The following DYNC1LI1 variants were observed in gnomAD, a reference collection of about 807,000 sequenced individuals.
The protein encoded by DYNC1LI1 is cytoplasmic dynein 1 light intermediate chain 1.
Under a neutral mutation model 63.8 loss-of-function variants are expected in DYNC1LI1, and 19 were observed. The ratio of observed to expected loss-of-function variants is 0.30; its 90% CI spans 0.21 to 0.44. The LOEUF is 0.44. DYNC1LI1 is among the 20% of genes least tolerant of loss of function. The pLI is 1.00. For synonymous variants in DYNC1LI1, 225 were observed against 232.3 expected (o/e 0.97, Z 0.28); for missense variants, 565 against 630.2 (o/e 0.90, Z 1.11).
At chr3:32,551,002 TA>T (rs74270099) in intron 2 of DYNC1LI1, among the ~76,000 whole-genome samples, 5,232 of 127,780 alleles carry the variant, frequency 0.041, 240 homozygotes, top group African/African-American at 0.12. Context: ...AACAGCAAAT[TA>T]AAAAAAAAAA....
intron 2 of DYNC1LI1, among the ~76,000 whole-genome samples, chr3:32,549,627 C>A (rs1036973063): frequency 6.6e-6 from 1 of 152,006 alleles, no homozygotes; most frequent in Non-Finnish European, 1.5e-5. Context: ...ATACACAGAT[C>A]CATAAAAATA....
intron 2 of DYNC1LI1, among the ~76,000 whole-genome samples, chr3:32,546,232 A>AC (rs1242680001): frequency 6.6e-6 from 1 of 152,046 alleles, no homozygotes; most frequent in Admixed American, 6.6e-5. Flanking sequence ...ACATGGTGAA[A>AC]CCCCGTCTCT....
At chr3:32,545,150 C>A in intron 3 of DYNC1LI1, 44 bp from the exon 4 acceptor site, 2 of 1,295,784 alleles carry the variant, frequency 1.5e-6, no homozygotes, top group South Asian at 2.4e-5. Flanking sequence ...AAGATTAAGT[C>A]ATTTCATCAT....
rs146949400 is a variant in DYNC1LI1 at position 32,534,254 on chromosome 3, A to C, written c.968+257T>G. On this transcript the variant is annotated intron_variant, in intron 7 of 12. Coordinates refer to ENST00000273130, the MANE Select transcript of DYNC1LI1 (RefSeq NM_016141.4). Reference sequence around the variant, plus strand: ...AATCAATTAAAGAATAAGCAGATACAATACACTAATATAGGCACCCAGTAG... The same window carrying C: ...AATCAATTAAAGAATAAGCAGATACCATACACTAATATAGGCACCCAGTAG... Among the ~76,000 whole-genome samples, 41 of 152,320 alleles carry C rather than the reference A, an allele frequency of 2.7e-4. 1 individual carries two copies. The highest frequency in any genetic ancestry group is 8.2e-4 in the African/African-American group (34 of 41,582).
In DYNC1LI1 at chr3:32,544,941, A is replaced by C. The variant is rs2125437805; in HGVS notation, c.503T>G (p.Val168Gly). Reference sequence around the variant, plus strand: ...CAGTTTGTCAACATGTTCTCTAACAACACTTGCCCATTTCTGTAAAGAATC... The same window carrying C: ...CAGTTTGTCAACATGTTCTCTAACACCACTTGCCCATTTCTGTAAAGAATC... The part of the protein sequence containing the change: ...ALDSLQKWAS[V>G]VREHVDKLKI... The change falls in exon 4 of 13, where the codon GTT becomes GGT. Residue 168 changes from valine to glycine, a missense_variant. Transcript: ENST00000273130. The C allele has an allele frequency of 6.2e-7, 1 of 1,614,134 alleles. No individual in the cohort carries two copies. Among genetic ancestry groups the C allele is most frequent in the East Asian group, 2.2e-5 (1 of 44,874 alleles).
In DYNC1LI1 at chr3:32,528,576, C is replaced by G; in HGVS notation, c.1332G>C (p.Leu444=). ...TCAACAAACTGTTGAAGAAATTTGC[C>G]AGAACGCCTTCACTTGTAGCTCCAG... ...MKAGATSEGV[L]ANFFNSLLSK... Residue 444 remains leucine (L), a synonymous_variant, in exon 12 of 13, where the codon CTG becomes CTC. Transcript: ENST00000273130. 1 of 1,612,104 alleles carries G rather than the reference C, an allele frequency of 6.2e-7. No individual in the cohort carries two copies.
Position 32,544,185 on chromosome 3 carries a change from A to C in DYNC1LI1, c.568+691T>G, listed in dbSNP as rs909448954. Among the ~76,000 whole-genome samples the C allele has an allele frequency of 8.5e-5, 13 of 152,362 alleles. No homozygotes were observed. The East Asian group carries it at 1.2e-3, about 14-fold the overall frequency. On this transcript the variant is annotated intron_variant, in intron 4 of 12. Coordinates refer to ENST00000273130, the MANE Select transcript of DYNC1LI1 (RefSeq NM_016141.4). The stretch of plus-strand genomic sequence containing the variant: ...GCATGTACAAAATATGTACTTTATA[A>C]ATCATAAAACCATTTTAATATCTTT...
intron 2 of DYNC1LI1, among the ~76,000 whole-genome samples, chr3:32,567,927 C>G (rs1052908837): frequency 1.3e-5 from 2 of 152,270 alleles, no homozygotes; most frequent in Admixed American, 1.3e-4. Flanking sequence ...TGGTCTCTAA[C>G]TCCTAACTTC....
rs1269282092 is a variant in DYNC1LI1 at position 32,570,392 on chromosome 3, G to C, written c.174C>G (p.Thr58=). Reference sequence around the variant, plus strand: ...CCGCAGGGAGCTTGGAGCGCGAGCGGGTGGAGACCTCGCTGAGGATGCAGG... The same window carrying C: ...CCGCAGGGAGCTTGGAGCGCGAGCGCGTGGAGACCTCGCTGAGGATGCAGG... The part of the protein sequence containing the change: ...LWSCILSEVS[T]RSRSKLPAGK... Residue 58 remains threonine (T), a synonymous_variant, in exon 2 of 13, where the codon ACC becomes ACG. Transcript: ENST00000273130. The C allele has an allele frequency of 6.2e-7, 1 of 1,606,790 alleles. No individual in the cohort carries two copies. Among genetic ancestry groups the C allele is most frequent in the Non-Finnish European group, 8.5e-7 (1 of 1,177,608 alleles).
intron 5 of DYNC1LI1, 94 bp downstream of exon 5, chr3:32,540,943 G>T: frequency 1.2e-6 from 1 of 849,126 alleles, no homozygotes; most frequent in South Asian, 2.8e-5. Flanking sequence ...TCATCTAGGA[G>T]AACTAATGTG....
rs568649599 is a variant in DYNC1LI1, at chr3:32,550,975, T to A, written c.221-5010A>T. 7.3e-5 allele frequency among the ~76,000 whole-genome samples: 11 copies of A among 149,714 alleles called. No individual in the cohort carries two copies. The South Asian group carries it at 1.7e-3, about 23-fold the overall frequency. On this transcript the variant is annotated intron_variant, in intron 2 of 12. Coordinates refer to ENST00000273130, the MANE Select transcript of DYNC1LI1 (RefSeq NM_016141.4). The stretch of plus-strand genomic sequence containing the variant: ...CCCATCTCTATTTATAGTTTTTAAA[T>A]GTGTAAAAAAAATTTTAACAGCAAA...
intron 8 of DYNC1LI1, chr3:32,531,918 G>C (rs1445787553): frequency 2.0e-5 from 3 of 152,088 alleles, no homozygotes; most frequent in Non-Finnish European, 4.4e-5. Context: ...TTCAGCATCC[G>C]TAATCTGAAA....
chr3:32,540,676 C>A (rs149007852), intron 5 of DYNC1LI1, among the ~76,000 whole-genome samples: 1 of 136,528 alleles, frequency 7.3e-6, no homozygotes, highest in African/African-American at 2.8e-5. Context: ...AGCAAAACTC[C>A]GTCTCAAAAA....
intron 2 of DYNC1LI1, among the ~76,000 whole-genome samples, chr3:32,565,772 C>T (rs1458006159): frequency 5.3e-5 from 8 of 152,050 alleles, no homozygotes; most frequent in Admixed American, 5.2e-4. Context: ...CTATGTCTGG[C>T]TAATTTTTGT....
chr3:32,543,518 C>T (rs529613144), intron 4 of DYNC1LI1, among the ~76,000 whole-genome samples: 9 of 150,902 alleles, frequency 6.0e-5, no homozygotes, highest in Non-Finnish European at 1.0e-4. Context: ...CCTGCCTCAG[C>T]CTCCCAAGTA....
chr3:32,550,069 GT>G (rs1457083136), intron 2 of DYNC1LI1, among the ~76,000 whole-genome samples: 1 of 152,048 alleles, frequency 6.6e-6, no homozygotes, highest in Non-Finnish European at 1.5e-5. Context: ...CTTCCTTTTA[GT>G]TTAACTAATC....
chr3:32,535,077 AC>A (rs1697756501), intron 6 of DYNC1LI1, among the ~76,000 whole-genome samples: 2 of 152,184 alleles, frequency 1.3e-5, no homozygotes, highest in Admixed American at 6.5e-5. Flanking sequence ...TTTTTACAAA[AC>A]CCAGGAATTA....
chr3:32,558,403 T>TTAAAAAAAAAAAA (rs1369929115), intron 2 of DYNC1LI1, among the ~76,000 whole-genome samples: 1 of 90,388 alleles, frequency 1.1e-5, no homozygotes, highest in African/African-American at 4.5e-5. Context: ...TTTAAAAATG[T>TTAAAAAAAAAAAA]AAAAAAAAAA....
chr3:32,547,545 G>A (rs990099905), intron 2 of DYNC1LI1, among the ~76,000 whole-genome samples: 23 of 152,112 alleles, frequency 1.5e-4, no homozygotes, highest in African/African-American at 2.9e-4. Context: ...CTCTGCAATG[G>A]TGTTTATAAT....
Sources: allele counts gnomAD v4.1 joint callset (sites outside exome capture counted in the v4.1 genomes callset), GRCh38; gene constraint gnomAD v4.1.1; transcripts MANE v1.5; gene names NCBI Gene and HGNC (gene_info 2026-07-23, HGNC 2026-07-21).